Variants in AGMO observed in about 807,000 individuals in gnomAD.
AGMO encodes glyceryl-ether monooxygenase.
In AGMO, 75 loss-of-function variants were observed where a neutral mutation model predicts 60.2. That is an observed-to-expected ratio of 1.25 (90% CI 1.03 to 1.51). The LOEUF (loss-of-function observed/expected upper bound fraction) is 1.51. Among genes scored for constraint, AGMO ranks in the 40% most tolerant of loss-of-function variants. The pLI is 0.00. For synonymous variants in AGMO, 261 were observed against 177.1 expected (o/e 1.47, Z -3.76); for missense variants, 763 against 525.5 (o/e 1.45, Z -4.42).
intron 3 of AGMO, among the ~76,000 whole-genome samples, chr7:15,543,653 T>A (rs538588739): frequency 1.2e-4 from 18 of 152,186 alleles, no homozygotes; most frequent in Admixed American, 3.9e-4. Flanking sequence ...TGATATTGTG[T>A]ACGTTTTTAG....
rs548072574 is a variant in AGMO, at chr7:15,491,900, A to G, written c.409+52872T>C. ...AGGGATTTAAATCTATCACCTTTCA[A>G]CTGGTTGGGAGAAGGAAGGTATTGT... is the stretch of plus-strand genomic sequence containing the variant. On this transcript the variant is annotated intron_variant, in intron 3 of 12. Transcript: ENST00000342526. Among the ~76,000 whole-genome samples, 3 of 152,268 alleles carry G rather than the reference A, an allele frequency of 2.0e-5. No individual in the cohort carries two copies. In the East Asian group the frequency reaches 5.8e-4, roughly 29 times the overall value.
chr7:15,397,017 C>T (rs1047620353), intron 5 of AGMO, among the ~76,000 whole-genome samples: 1 of 152,144 alleles, frequency 6.6e-6, no homozygotes, highest in African/African-American at 2.4e-5. Context: ...CGTTTACAAT[C>T]CTTTAGCTAC....
At chr7:15,482,618 T>C (rs1359889734) in intron 3 of AGMO, among the ~76,000 whole-genome samples, 2 of 152,120 alleles carry the variant, frequency 1.3e-5, no homozygotes, top group African/African-American at 4.8e-5. Flanking sequence ...GCAGAAAAAG[T>C]AGGGACACTT....
intron 3 of AGMO, among the ~76,000 whole-genome samples, chr7:15,458,609 C>T (rs998321186): frequency 3.3e-5 from 5 of 152,186 alleles, no homozygotes; most frequent in African/African-American, 7.2e-5. Flanking sequence ...CAGTATTAAA[C>T]AGAAGTCTGC....
At chr7:15,250,539 T>TAC (rs59487880) in intron 12 of AGMO, among the ~76,000 whole-genome samples, 2 of 120,480 alleles carry the variant, frequency 1.7e-5, no homozygotes, top group Non-Finnish European at 3.4e-5. Flanking sequence ...GAAATTGAAG[T>TAC]ACACACACAC....
At chr7:15,376,974 A>G (rs923157741) in intron 10 of AGMO, among the ~76,000 whole-genome samples, 4 of 152,252 alleles carry the variant, frequency 2.6e-5, no homozygotes, top group African/African-American at 9.6e-5. Context: ...TAGAACTTGC[A>G]TACATAAAAC....
chr7:15,343,242 G>C (rs1226320147), intron 12 of AGMO, among the ~76,000 whole-genome samples: 2 of 152,094 alleles, frequency 1.3e-5, no homozygotes, highest in African/African-American at 4.8e-5. Flanking sequence ...ACAGAATGTA[G>C]TAATATCTTT....
chr7:15,297,116 A>G (rs1223816360), intron 12 of AGMO, among the ~76,000 whole-genome samples: 1 of 152,120 alleles, frequency 6.6e-6, no homozygotes, highest in East Asian at 1.9e-4. Context: ...TGCTCAACAA[A>G]TACCTGCTGA....
At chr7:15,255,021 T>G (rs1783053762) in intron 12 of AGMO, among the ~76,000 whole-genome samples, 1 of 149,968 alleles carries the variant, frequency 6.7e-6, no homozygotes, top group African/African-American at 2.4e-5. Context: ...TGGAATACTA[T>G]GCAGCCATAA....
At chr7:15,266,164 G>A (rs1395703727) in intron 12 of AGMO, among the ~76,000 whole-genome samples, 3 of 151,930 alleles carry the variant, frequency 2.0e-5, no homozygotes, top group Admixed American at 6.6e-5. Flanking sequence ...AATAGGTACT[G>A]TTTTTGTTTA....
chr7:15,307,825 C>G (rs373203463), intron 12 of AGMO, among the ~76,000 whole-genome samples: 8 of 152,158 alleles, frequency 5.3e-5, no homozygotes, highest in African/African-American at 1.2e-4. Flanking sequence ...CAAATATGGA[C>G]TCACCAATTC....
intron 5 of AGMO, among the ~76,000 whole-genome samples, chr7:15,396,837 G>A (rs1382408723): frequency 6.6e-6 from 1 of 152,176 alleles, no homozygotes; most frequent in Non-Finnish European, 1.5e-5. Context: ...AGAGAGTGCT[G>A]AGTGGTGCGT....
chr7:15,420,370 T>A (rs946761922), intron 4 of AGMO, among the ~76,000 whole-genome samples: 1 of 152,066 alleles, frequency 6.6e-6, no homozygotes, highest in Non-Finnish European at 1.5e-5. Flanking sequence ...ACTCATTTTA[T>A]GAAACAGTGT....
chr7:15,161,471 T>G, the AGMO span, among the ~76,000 whole-genome samples: 1 of 151,460 alleles, frequency 6.6e-6, no homozygotes. Context: ...CATATACACA[T>G]ATAAGTATAT....
At chr7:15,532,092 T>C (rs1395192152) in intron 3 of AGMO, among the ~76,000 whole-genome samples, 1 of 152,150 alleles carries the variant, frequency 6.6e-6, no homozygotes, top group African/African-American at 2.4e-5. Flanking sequence ...GTATGTTGAG[T>C]GAAGCAGAGG....
At chr7:15,375,788 A>C (rs1427905623) in intron 10 of AGMO, among the ~76,000 whole-genome samples, 1 of 152,104 alleles carries the variant, frequency 6.6e-6, no homozygotes, top group Non-Finnish European at 1.5e-5. Context: ...AAATTGCTTA[A>C]TTTTTACATA....
At chr7:15,303,499 A>G (rs1393524505) in intron 12 of AGMO, among the ~76,000 whole-genome samples, 1 of 152,022 alleles carries the variant, frequency 6.6e-6, no homozygotes, top group Admixed American at 6.6e-5. Flanking sequence ...GGAAACAGGA[A>G]CAAGGTCATA....
chr7:15,231,679 T>A (rs2128499624), intron 12 of AGMO, among the ~76,000 whole-genome samples: 1 of 152,296 alleles, frequency 6.6e-6, no homozygotes, highest in African/African-American at 2.4e-5. Context: ...GGGTTAAGAT[T>A]ATAGATCTTC....
At chr7:15,267,016 G>C (rs541208076) in intron 12 of AGMO, among the ~76,000 whole-genome samples, 4 of 151,914 alleles carry the variant, frequency 2.6e-5, no homozygotes, top group African/African-American at 9.7e-5. Flanking sequence ...TAGTGGAAGA[G>C]AGAACATAAA....
Sources: gnomAD v4.1 joint callset for allele counts (sites outside exome capture counted in the v4.1 genomes callset) on GRCh38, gnomAD v4.1.1 for gene constraint, MANE v1.5 for transcripts, NCBI Gene and HGNC (gene_info 2026-07-23, HGNC 2026-07-21) for gene names.